Variants in TENT4A observed in about 807,000 individuals in gnomAD.
TENT4A encodes the protein terminal nucleotidyltransferase 4A.
Under a neutral mutation model 72.8 loss-of-function variants are expected in TENT4A, and 7 were observed. The observed-to-expected ratio is 0.10, with a 90% CI of 0.05 to 0.18. The LOEUF (loss-of-function observed/expected upper bound fraction) is 0.18, where lower values mean the gene tolerates loss of function less well. Among genes scored for constraint, TENT4A ranks in the 10% least tolerant of loss-of-function variants. The pLI is 1.00. For missense variants in TENT4A, 831 were observed against 1,017.7 expected (o/e 0.82, Z 2.50); for synonymous variants, 456 against 434.3 (o/e 1.05, Z -0.62).
chr5:6,723,131 G>C (rs574226593), intron 1 of TENT4A, among the ~76,000 whole-genome samples: 13 of 152,340 alleles, frequency 8.5e-5, no homozygotes, highest in African/African-American at 2.9e-4. Context: ...TACTCAGCAA[G>C]TTATCACTGT....
At chr5:6,716,458 C>T (rs1219161245) in intron 1 of TENT4A, among the ~76,000 whole-genome samples, 1 of 152,214 alleles carries the variant, frequency 6.6e-6, no homozygotes, top group East Asian at 1.9e-4. Context: ...ACACCTCATC[C>T]TCCCTCATGC....
chr5:6,743,889 A>G (rs761757322), intron 6 of TENT4A, 49 bp downstream of exon 6: 4 of 1,580,316 alleles, frequency 2.5e-6, no homozygotes, highest in Non-Finnish European at 3.5e-6. Flanking sequence ...GTGTAAGAGT[A>G]GACTCTTCCA....
intron 2 of TENT4A, among the ~76,000 whole-genome samples, chr5:6,738,311 T>TA (rs1741617326): frequency 6.6e-6 from 1 of 152,200 alleles, no homozygotes; most frequent in African/African-American, 2.4e-5. Flanking sequence ...TTTAAAATGA[T>TA]ACAGATTTTT....
chr5:6,734,152 G>A (rs992767452), intron 1 of TENT4A, among the ~76,000 whole-genome samples: 1 of 152,248 alleles, frequency 6.6e-6, no homozygotes, highest in African/African-American at 2.4e-5. Context: ...ATCCACAGAT[G>A]GCCTCCAGAG....
At chr5:6,753,390 CA>C (rs1241963207) in intron 12 of TENT4A, among the ~76,000 whole-genome samples, 1 of 152,134 alleles carries the variant, frequency 6.6e-6, no homozygotes, top group African/African-American at 2.4e-5. Context: ...ATGATAAAAC[CA>C]AGAGCAGATC....
chr5:6,731,542 CTT>C (rs375328687), intron 1 of TENT4A, among the ~76,000 whole-genome samples: 10 of 143,862 alleles, frequency 7.0e-5, no homozygotes, highest in Non-Finnish European at 6.1e-5. Flanking sequence ...GGTGCTGAAA[CTT>C]TTTTTTTTTT....
At chr5:6,736,296 C>T (rs1316954691) in intron 1 of TENT4A, among the ~76,000 whole-genome samples, 2 of 152,152 alleles carry the variant, frequency 1.3e-5, no homozygotes, top group African/African-American at 2.4e-5. Flanking sequence ...TTGAAATTAA[C>T]CTTACACAAG....
chr5:6,739,012 C>T (rs940712778), intron 3 of TENT4A, among the ~76,000 whole-genome samples: 12 of 152,156 alleles, frequency 7.9e-5, no homozygotes, highest in Admixed American at 5.2e-4. Context: ...GGGAAGTAAA[C>T]GCAATAGAAG....
chr5:6,747,030 A>G (rs190293888), intron 7 of TENT4A, among the ~76,000 whole-genome samples: 1 of 152,362 alleles, frequency 6.6e-6, no homozygotes, highest in East Asian at 1.9e-4. Context: ...CTTTGGTGAC[A>G]GTCTTTTAAA....
At chr5:6,734,263 A>C (rs74928787) in intron 1 of TENT4A, among the ~76,000 whole-genome samples, 3,324 of 152,322 alleles carry the variant, frequency 0.022, 45 homozygotes, top group Non-Finnish European at 0.032. Context: ...CTTACTGTGC[A>C]CTTTTTCTCA....
Position 6,738,737 on chromosome 5 carries a change from C to T in TENT4A, c.887+8C>T, listed in dbSNP as rs749452396. On this transcript the variant is annotated splice_region_variant and intron_variant, in intron 3 of 12. Coordinates refer to ENST00000230859, the MANE Select transcript of TENT4A (RefSeq NM_006999.6). Reference sequence around the variant, plus strand: ...TCTTTATCTTCCAACTAGGTGAGTACCAGACTGCATGGCATGGGCTAGTGG... The same window carrying T: ...TCTTTATCTTCCAACTAGGTGAGTATCAGACTGCATGGCATGGGCTAGTGG... 10 of 1,603,344 alleles carry T rather than the reference C, an allele frequency of 6.2e-6. No individual in the cohort carries two copies. In the Admixed American group the frequency reaches 1.7e-4, roughly 27 times the overall value.
chr5:6,727,854 T>G (rs1741013107), intron 1 of TENT4A, among the ~76,000 whole-genome samples: 2 of 151,886 alleles, frequency 1.3e-5, no homozygotes, highest in South Asian at 4.1e-4. Flanking sequence ...GCTGTCTGTA[T>G]CAGCCAGGGT....
intron 1 of TENT4A, among the ~76,000 whole-genome samples, chr5:6,718,593 A>G (rs1740499371): frequency 6.6e-6 from 1 of 152,238 alleles, no homozygotes; most frequent in African/African-American, 2.4e-5. Context: ...AGAAGCGTGT[A>G]TGTATGATCA....
chr5:6,751,389 AGCGAGG>A, intron 11 of TENT4A, 192 bp downstream of exon 11: 1 of 603,434 alleles, frequency 1.7e-6, no homozygotes, highest in Non-Finnish European at 2.9e-6. Context: ...TAGTTTCAGC[AGCGAGG>A]ACACTGTGGT....
At chr5:6,728,766 C>G (rs1391695048) in intron 1 of TENT4A, among the ~76,000 whole-genome samples, 1 of 152,226 alleles carries the variant, frequency 6.6e-6, no homozygotes, top group Non-Finnish European at 1.5e-5. Flanking sequence ...GTGATGTCTG[C>G]TCTTTGACCC....
At chr5:6,714,785 C>G (rs1740280136) in intron 1 of TENT4A, 86 bp downstream of exon 1, 2 of 519,320 alleles carry the variant, frequency 3.9e-6, no homozygotes, top group Non-Finnish European at 5.4e-6. Context: ...TCCCAGGCGC[C>G]CGGGCTTTTG....
At position 6,713,675 on chromosome 5, in the gene TENT4A, G is replaced by C. The variant is rs1286742595; in HGVS notation, c.-309G>C. 1 of 145,096 alleles carries C rather than the reference G, an allele frequency of 6.9e-6. No homozygotes were observed. The highest frequency in any genetic ancestry group is 2.0e-4 in the East Asian group (1 of 4,920). The allele number at this position is 145,096 out of a possible 1,614,324, so 9.0% of individuals were successfully genotyped here. A position where few individuals can be genotyped will look rare whatever the true frequency, so the allele number is the denominator to read the frequency against. On this transcript the variant is annotated 5_prime_UTR_variant, in exon 1 of 13. Coordinates refer to ENST00000230859, the MANE Select transcript of TENT4A (RefSeq NM_006999.6). ...CGCCGCCGCCGCGGCCCCCGCGCCC[G>C]CCCCGCGCCGCGTGAAGCGGGAGCC...
intron 4 of TENT4A, among the ~76,000 whole-genome samples, chr5:6,741,552 T>A (rs559318931): frequency 3.3e-5 from 5 of 152,306 alleles, no homozygotes; most frequent in South Asian, 2.1e-4. Flanking sequence ...TTCTGATGAG[T>A]TCTTTGGGAA....
chr5:6,726,424 T>C (rs888735383), intron 1 of TENT4A, among the ~76,000 whole-genome samples: 3 of 152,180 alleles, frequency 2.0e-5, no homozygotes, highest in Non-Finnish European at 2.9e-5. Flanking sequence ...GTGAGTTTCT[T>C]TGAGGCGACG....
Sources: gnomAD v4.1 joint callset for allele counts (sites outside exome capture counted in the v4.1 genomes callset) on GRCh38, gnomAD v4.1.1 for gene constraint, MANE v1.5 for transcripts, NCBI Gene and HGNC (gene_info 2026-07-23, HGNC 2026-07-21) for gene names.